Variants in COL13A1 observed in about 807,000 individuals in gnomAD.
COL13A1 encodes collagen alpha-1(XIII) chain.
In COL13A1, 89 loss-of-function variants were observed where a neutral mutation model predicts 130.9. The observed-to-expected ratio is 0.68, with a 90% CI of 0.57 to 0.81. COL13A1 has a LOEUF of 0.81. Ranked by LOEUF, COL13A1 falls within the 30% of genes least tolerant of loss-of-function variation. The pLI is 0.00. For synonymous variants in COL13A1, 402 were observed against 341.6 expected, an observed-to-expected ratio of 1.18 and a Z score of -1.95; for missense variants, 879 against 934.6, an observed-to-expected ratio of 0.94 and a Z score of 0.78.
At chr10:69,866,336 C>T (rs1016511042) in intron 2 of COL13A1, among the ~76,000 whole-genome samples, 1 of 152,198 alleles carries the variant, frequency 6.6e-6, no homozygotes, top group Non-Finnish European at 1.5e-5. Context: ...GCCAGGGCCC[C>T]GTCAGGCCTG....
chr10:69,936,350 T>G (rs747041149), intron 32 of COL13A1, among the ~76,000 whole-genome samples: 20 of 152,326 alleles, frequency 1.3e-4, no homozygotes, highest in Middle Eastern at 3.4e-3. Context: ...CAAGGCACTG[T>G]GTGTCCTCTG....
intron 1 of COL13A1, among the ~76,000 whole-genome samples, chr10:69,808,299 G>A (rs1284381406): frequency 6.6e-6 from 1 of 152,128 alleles, no homozygotes; most frequent in East Asian, 1.9e-4. Flanking sequence ...AATCACTCTA[G>A]ACTTGCCCCA....
intron 2 of COL13A1, among the ~76,000 whole-genome samples, chr10:69,848,683 T>C (rs1187808575): frequency 6.6e-6 from 1 of 152,230 alleles, no homozygotes; most frequent in Non-Finnish European, 1.5e-5. Flanking sequence ...GCCACACTTC[T>C]GCTGTGTCTT....
At chr10:69,860,728 C>T in intron 2 of COL13A1, 1 of 277,466 alleles carries the variant, frequency 3.6e-6, no homozygotes, top group Non-Finnish European at 7.3e-6. Flanking sequence ...CCTTCTGCGG[C>T]CATTTTCCTG....
chr10:69,831,765 T>C (rs1262301240), intron 2 of COL13A1, among the ~76,000 whole-genome samples: 1 of 152,194 alleles, frequency 6.6e-6, no homozygotes, highest in Non-Finnish European at 1.5e-5. Flanking sequence ...CAATACCCAC[T>C]GCCCTGGGAG....
At chr10:69,901,249 A>G (rs533440163) in intron 14 of COL13A1, among the ~76,000 whole-genome samples, 2 of 152,180 alleles carry the variant, frequency 1.3e-5, no homozygotes, top group African/African-American at 4.8e-5. Context: ...TCTGCCATGG[A>G]CACCCTGAGC....
chr10:69,944,138 C>G lies in COL13A1; in HGVS notation c.1928C>G (p.Pro643Arg), dbSNP rs780788656. 1 of 1,613,608 alleles carries G rather than the reference C, an allele frequency of 6.2e-7. No homozygotes were observed. Among genetic ancestry groups the G allele is most frequent in the Admixed American group, 1.7e-5 (1 of 60,008 alleles). ...TCCCCTTCCCAGGGTACTCCAGGAC[C>G]AATTGGAGTTCCAGGCCCAGCGGGA... is the stretch of plus-strand genomic sequence containing the variant. ...GRPGPPGTPG[P>R]IGVPGPAGPK... Residue 643 changes from proline to arginine, a missense_variant, in exon 36 of 41, where the codon CCA (proline) becomes CGA (arginine). Physicochemically the swap from Pro to Arg is moderately radical, Grantham distance 103. Transcript: ENST00000645393.
At chr10:69,930,198 G>C in intron 29 of COL13A1, 111 bp downstream of exon 29, 1 of 1,124,806 alleles carries the variant, frequency 8.9e-7, no homozygotes, top group Non-Finnish European at 1.2e-6. Context: ...CAGTGGGCAA[G>C]GGAAGGGGAG....
intron 1 of COL13A1, among the ~76,000 whole-genome samples, chr10:69,811,468 A>G (rs1843031285): frequency 6.6e-6 from 1 of 152,160 alleles, no homozygotes; most frequent in African/African-American, 2.4e-5. Flanking sequence ...GGCTGGGTTA[A>G]AGGGGCATTT....
intron 2 of COL13A1, among the ~76,000 whole-genome samples, chr10:69,828,029 T>G (rs994709126): frequency 6.6e-6 from 1 of 152,164 alleles, no homozygotes; most frequent in African/African-American, 2.4e-5. Context: ...TGATGGTTAT[T>G]TTAGGGAGAA....
chr10:69,824,093 A>G (rs531058353), intron 2 of COL13A1: 2 of 472,260 alleles, frequency 4.2e-6, no homozygotes, highest in South Asian at 1.5e-5. Context: ...AACATGGACC[A>G]GTCTTATGAC....
chr10:69,841,286 A>G (rs891837350), intron 2 of COL13A1, among the ~76,000 whole-genome samples: 1 of 151,876 alleles, frequency 6.6e-6, no homozygotes, highest in African/African-American at 2.4e-5. Flanking sequence ...CACCTCCCCA[A>G]TTTCAGGTCA....
At chr10:69,818,721 C>G (rs1406258352) in intron 1 of COL13A1, among the ~76,000 whole-genome samples, 1 of 152,194 alleles carries the variant, frequency 6.6e-6, no homozygotes, top group Non-Finnish European at 1.5e-5. Flanking sequence ...TGTTCAAGGG[C>G]AGGAGAAGAT....
In COL13A1 at chr10:69,925,850, G is replaced by A; in HGVS notation, c.1376G>A (p.Gly459Glu). 1 of 1,599,200 alleles carries A rather than the reference G, an allele frequency of 6.3e-7. No individual in the cohort carries two copies. Among genetic ancestry groups the A allele is most frequent in the Non-Finnish European group, 8.5e-7 (1 of 1,173,064 alleles). Reference protein sequence around the residue: ...PGKGEMVDYNGNINEALQEIR... With the variant: ...PGKGEMVDYNENINEALQEIR... ...AAAGGAGAGATGGTGGATTACAATG[G>A]AAACATCAATGAGGCTCTCCAGGTG... is the stretch of plus-strand genomic sequence containing the variant. Residue 459 changes from glycine to glutamate, a missense_variant, in exon 26 of 41, where the codon GGA (glycine) becomes GAA (glutamate). Coordinates refer to ENST00000645393, the MANE Select transcript of COL13A1 (RefSeq NM_001368882.1).
intron 32 of COL13A1, among the ~76,000 whole-genome samples, chr10:69,936,169 GAAGGAAGGAAAGGA>G (rs2066883744): frequency 3.7e-5 from 1 of 26,838 alleles, no homozygotes. Flanking sequence ...AGGAAGGAAG[GAAGGAAGGAAAGGA>G]AAGGAAGGAA....
At position 69,935,404 on chromosome 10, in the gene COL13A1, G is replaced by A. The variant is rs1259709600; in HGVS notation, c.1770+13G>A. 4 of 1,547,888 alleles carry A rather than the reference G, an allele frequency of 2.6e-6. No homozygotes were observed. Among genetic ancestry groups the A allele is most frequent in the African/African-American group, 1.4e-5 (1 of 73,108 alleles). ...TCCCGGACCTCCGGTAAGTTTGGAGGGCTTGTCAGTGGCCAGTCCACTAAT... is the reference window on the plus strand; with the variant it reads ...TCCCGGACCTCCGGTAAGTTTGGAGAGCTTGTCAGTGGCCAGTCCACTAAT... On this transcript the variant is annotated intron_variant, in intron 32 of 40. Coordinates refer to ENST00000645393, the MANE Select transcript of COL13A1 (RefSeq NM_001368882.1).
intron 2 of COL13A1, among the ~76,000 whole-genome samples, chr10:69,842,746 T>C (rs1190828480): frequency 6.6e-6 from 1 of 151,948 alleles, no homozygotes; most frequent in Admixed American, 6.6e-5. Context: ...GGGGCCAGAG[T>C]CAGCACCAGC....
chr10:69,931,343 T>C, intron 30 of COL13A1: 1 of 395,850 alleles, frequency 2.5e-6, no homozygotes, highest in Non-Finnish European at 5.2e-6. Flanking sequence ...AGTGGGTGCC[T>C]GACACTGTGA....
intron 4 of COL13A1, among the ~76,000 whole-genome samples, chr10:69,873,344 A>G (rs746692228): frequency 8.5e-5 from 13 of 152,228 alleles, no homozygotes; most frequent in Admixed American, 1.3e-4. Flanking sequence ...CAGACTTGCA[A>G]ATGGAAACTC....
Sources: gnomAD v4.1 joint callset for allele counts (sites outside exome capture counted in the v4.1 genomes callset) on GRCh38, gnomAD v4.1.1 for gene constraint, MANE v1.5 for transcripts, NCBI Gene and HGNC (gene_info 2026-07-23, HGNC 2026-07-21) for gene names.